RGS20: variants seen among roughly 807,000 people sequenced by gnomAD.
The protein encoded by RGS20 is gz-selective GTPase-activating protein.
RGS20 carries 30 observed loss-of-function variants against 33.6 expected under a neutral mutation model. The observed-to-expected ratio is 0.89, with a 90% CI of 0.67 to 1.21. The LOEUF (loss-of-function observed/expected upper bound fraction) is 1.21. RGS20 is among the 50% of genes most tolerant of loss of function. RGS20 has a pLI of 0.00. For synonymous variants in RGS20, 208 were observed against 197.9 expected (o/e 1.05, Z -0.43); for missense variants, 472 against 502.4 (o/e 0.94, Z 0.58).
At chr8:53,894,494 G>A (rs532013168) in intron 2 of RGS20, among the ~76,000 whole-genome samples, 75 of 152,300 alleles carry the variant, frequency 4.9e-4, no homozygotes, top group Middle Eastern at 6.8e-3. Flanking sequence ...ACAACGTAAT[G>A]CCCTGGAGTT....
At chr8:53,883,107 T>G (rs952498129) in intron 2 of RGS20, among the ~76,000 whole-genome samples, 7 of 152,308 alleles carry the variant, frequency 4.6e-5, no homozygotes, top group Middle Eastern at 3.4e-3. Context: ...CTAATTTTTT[T>G]GGGGGTCTCA....
chr8:53,909,255 A>ATATATATAT (rs1813281717), intron 2 of RGS20, among the ~76,000 whole-genome samples: 1 of 69,726 alleles, frequency 1.4e-5, no homozygotes, highest in Non-Finnish European at 3.2e-5. Context: ...ATATATATAT[A>ATATATATAT]CTTTTTTTTT....
chr8:53,952,788 T>C (rs544674786), intron 4 of RGS20, among the ~76,000 whole-genome samples: 4 of 152,226 alleles, frequency 2.6e-5, no homozygotes, highest in African/African-American at 7.2e-5. Context: ...ATACATACAT[T>C]TGAAACTATG....
intron 2 of RGS20, among the ~76,000 whole-genome samples, chr8:53,890,039 A>C (rs372540944): frequency 1.3e-5 from 2 of 152,082 alleles, no homozygotes; most frequent in Non-Finnish European, 2.9e-5. Context: ...ATATCTCTTC[A>C]AATATGGCTT....
chr8:53,879,364 G>C lies in RGS20; in HGVS notation c.272G>C (p.Arg91Pro), dbSNP rs759013176. Residue 91 changes from arginine to proline, a missense_variant, in exon 2 of 6, where the codon CGG becomes CCG. By Grantham distance (103) the Arg-to-Pro change is moderately radical (BLOSUM62 -2). Transcript: ENST00000297313. The stretch of plus-strand genomic sequence containing the variant: ...GCAAGGTTCTTCTCTCACCTTCTCC[G>C]GCGACCCCCTCCCGAGGCTCCCCGG... 6.2e-7 allele frequency: 1 copy of C among 1,611,404 alleles called. No homozygotes were observed.
intron 2 of RGS20, among the ~76,000 whole-genome samples, chr8:53,890,011 T>C (rs1490961202): frequency 6.6e-6 from 1 of 152,144 alleles, no homozygotes; most frequent in Non-Finnish European, 1.5e-5. Flanking sequence ...TTCATCAACT[T>C]TGGAAAATTT....
chr8:53,910,674 G>A (rs916577839), intron 2 of RGS20, among the ~76,000 whole-genome samples: 2 of 152,134 alleles, frequency 1.3e-5, no homozygotes, highest in African/African-American at 4.8e-5. Context: ...ACCCAAAACA[G>A]GAAATAACAC....
At chr8:53,875,068 G>A (rs1286682448) in intron 1 of RGS20, among the ~76,000 whole-genome samples, 3 of 152,218 alleles carry the variant, frequency 2.0e-5, no homozygotes, top group Admixed American at 6.5e-5. Flanking sequence ...CTGAGCTGGT[G>A]AAGACTGCAA....
intron 2 of RGS20, among the ~76,000 whole-genome samples, chr8:53,899,559 C>T (rs1250376896): frequency 3.9e-5 from 6 of 152,216 alleles, no homozygotes; most frequent in Admixed American, 3.9e-4. Flanking sequence ...ACCCCTTAGC[C>T]GTCAACCACC....
intron 1 of RGS20, among the ~76,000 whole-genome samples, chr8:53,864,534 C>T (rs150027579): frequency 1.2e-3 from 185 of 152,122 alleles, no homozygotes; most frequent in African/African-American, 4.3e-3. Flanking sequence ...TCCCGGGAAC[C>T]CCTTGGAATC....
chr8:53,863,898 T>C (rs1293459341), intron 1 of RGS20, among the ~76,000 whole-genome samples: 3 of 151,846 alleles, frequency 2.0e-5, no homozygotes, highest in Non-Finnish European at 4.4e-5. Flanking sequence ...AGCTAATTTG[T>C]ATGTATTTTT....
intron 2 of RGS20, among the ~76,000 whole-genome samples, chr8:53,902,882 T>C (rs576707243): frequency 6.6e-6 from 1 of 152,274 alleles, no homozygotes; most frequent in East Asian, 1.9e-4. Flanking sequence ...CTCGCCACCA[T>C]GCTCGGTTAA....
chr8:53,854,132 T>C (rs1811623722), intron 1 of RGS20, among the ~76,000 whole-genome samples: 1 of 151,854 alleles, frequency 6.6e-6, no homozygotes, highest in Non-Finnish European at 1.5e-5. Flanking sequence ...ATAGAACTTT[T>C]AGGAAAAAAA....
Position 53,879,403 on chromosome 8 carries a change from TCTC to T in RGS20, c.313_315del (p.Ser105del). Reference sequence around the variant, plus strand: ...GAGGCTCCCCGGAGGCGCCTGGACTTCTCCCCCCTGCTTCCCGCCCTGCCGGCC... The same window carrying T: ...GAGGCTCCCCGGAGGCGCCTGGACTTCCCCCTGCTTCCCGCCCTGCCGGCC... On this transcript the variant is annotated inframe_deletion, in exon 2 of 6. Coordinates refer to ENST00000297313, the MANE Select transcript of RGS20 (RefSeq NM_170587.4). 6.2e-7 allele frequency: 1 copy of T among 1,610,244 alleles called. No homozygotes were observed. The highest frequency in any genetic ancestry group is 8.5e-7 in the Non-Finnish European group (1 of 1,179,200).
chr8:53,954,939 GCC>G (rs764601344), intron 5 of RGS20, among the ~76,000 whole-genome samples: 12 of 151,262 alleles, frequency 7.9e-5, no homozygotes, highest in Non-Finnish European at 1.6e-4. Context: ...ACCTGCCTTA[GCC>G]TCCCAAAGTG....
intron 1 of RGS20, among the ~76,000 whole-genome samples, chr8:53,878,849 C>T (rs191789882): frequency 6.6e-6 from 1 of 152,098 alleles, no homozygotes; most frequent in Non-Finnish European, 1.5e-5. Flanking sequence ...GCAACAGTTA[C>T]AAAAGTGAAC....
rs563301773 is a variant in RGS20, at chr8:53,899,984, T to C, written c.510+20382T>C. On this transcript the variant is annotated intron_variant, in intron 2 of 5. Coordinates refer to ENST00000297313, the MANE Select transcript of RGS20 (RefSeq NM_170587.4). The stretch of plus-strand genomic sequence containing the variant: ...GCAGATTTACATGCCTGCCCTCTAG[T>C]TTTTCTGTTCTCAGCTTTGCCCAGC... 2.0e-5 allele frequency among the ~76,000 whole-genome samples: 3 copies of C among 152,212 alleles called. No individual in the cohort carries two copies. The East Asian group carries it at 5.8e-4, about 29-fold the overall frequency.
chr8:53,946,918 A>G (rs1415521113), intron 4 of RGS20, among the ~76,000 whole-genome samples, 170 bp downstream of exon 3: 1 of 151,960 alleles, frequency 6.6e-6, no homozygotes, highest in Non-Finnish European at 1.5e-5. Flanking sequence ...CATTTAATTC[A>G]TCGTGTGACA....
At chr8:53,854,812 G>A (rs1374656650) in intron 1 of RGS20, among the ~76,000 whole-genome samples, 1 of 152,164 alleles carries the variant, frequency 6.6e-6, no homozygotes, top group Non-Finnish European at 1.5e-5. Flanking sequence ...CACCAACCCT[G>A]TATGCCAATG....
Sources: allele counts gnomAD v4.1 joint callset (sites outside exome capture counted in the v4.1 genomes callset), GRCh38; gene constraint gnomAD v4.1.1; transcripts MANE v1.5; gene names NCBI Gene and HGNC (gene_info 2026-07-23, HGNC 2026-07-21).